The following SLC35F3 variants were observed in gnomAD, a reference collection of about 807,000 sequenced individuals.
SLC35F3 encodes solute carrier family 35 member F3, also known as putative thiamine transporter SLC35F3.
In SLC35F3, 25 loss-of-function variants were observed where a neutral mutation model predicts 49.9. The ratio of observed to expected loss-of-function variants is 0.50; its 90% CI spans 0.37 to 0.70. SLC35F3 has a LOEUF of 0.70. Among genes scored for constraint, SLC35F3 ranks in the 30% least tolerant of loss-of-function variants. The pLI is 0.00. For missense variants in SLC35F3, 525 were observed against 639.8 expected (o/e 0.82, Z 1.94); for synonymous variants, 275 against 265.4 (o/e 1.04, Z -0.35).
chr1:234,130,565 G>T (rs1385602567), intron 2 of SLC35F3, among the ~76,000 whole-genome samples: 1 of 151,610 alleles, frequency 6.6e-6, no homozygotes, highest in Admixed American at 6.6e-5. Flanking sequence ...CGTGAACCCG[G>T]GAGGTGGAGC....
At chr1:234,015,498 G>A (rs931751814) in intron 2 of SLC35F3, among the ~76,000 whole-genome samples, 4 of 152,042 alleles carry the variant, frequency 2.6e-5, no homozygotes, top group Admixed American at 1.3e-4. Context: ...GCTCAGAAAT[G>A]AACCTATGCA....
chr1:234,021,424 G>C (rs1336583866), intron 2 of SLC35F3, among the ~76,000 whole-genome samples: 1 of 152,232 alleles, frequency 6.6e-6, no homozygotes, highest in East Asian at 1.9e-4. Flanking sequence ...TGAGAAAGCT[G>C]GAAAGTTTTC....
chr1:234,276,962 G>A (rs553212962), intron 3 of SLC35F3, among the ~76,000 whole-genome samples: 1 of 152,360 alleles, frequency 6.6e-6, no homozygotes, highest in South Asian at 2.1e-4. Context: ...AGGGGCTGAT[G>A]TGGGCACCCA....
chr1:234,005,881 T>G (rs2102834891), intron 2 of SLC35F3, among the ~76,000 whole-genome samples: 1 of 152,304 alleles, frequency 6.6e-6, no homozygotes. Context: ...GACAGAAGAC[T>G]GGATCACGCA....
At chr1:234,236,925 T>TTTTATATATATATATATATATATA (rs1553317673) in intron 3 of SLC35F3, among the ~76,000 whole-genome samples, 1 of 96,294 alleles carries the variant, frequency 1.0e-5, no homozygotes, top group African/African-American at 4.1e-5. Flanking sequence ...AAAAAAAAAA[T>TTTTATATATATATATATATATATA]TATATATATA....
intron 2 of SLC35F3, among the ~76,000 whole-genome samples, chr1:234,055,540 C>T (rs1664444569): frequency 6.6e-6 from 1 of 152,200 alleles, no homozygotes; most frequent in Non-Finnish European, 1.5e-5. Flanking sequence ...TCCCGATTTT[C>T]CTGGTACCGT....
In SLC35F3 at chr1:234,167,137, C is replaced by T. The variant is rs79331056; in HGVS notation, c.284-64280C>T. 7.6e-3 allele frequency among the ~76,000 whole-genome samples: 1,162 copies of T among 152,352 alleles called. 21 individuals carry two copies. The highest frequency in any genetic ancestry group is 0.025 in the African/African-American group (1,050 of 41,574). On this transcript the variant is annotated intron_variant, in intron 2 of 7. Transcript: ENST00000366618. The stretch of plus-strand genomic sequence containing the variant: ...TATCTACCATTGCCTTCTTTTCATT[C>T]TCCTGTCTTTCCGGCTCAGACCCCT...
chr1:234,096,045 T>TA (rs1362194393), intron 2 of SLC35F3, among the ~76,000 whole-genome samples: 1 of 152,216 alleles, frequency 6.6e-6, no homozygotes, highest in Non-Finnish European at 1.5e-5. Context: ...AGCAAGAAAA[T>TA]AGTTTCTAGC....
intron 2 of SLC35F3, among the ~76,000 whole-genome samples, chr1:233,914,562 C>T (rs1477686326): frequency 6.6e-6 from 1 of 152,158 alleles, no homozygotes; most frequent in Admixed American, 6.5e-5. Context: ...TCCATTCAAG[C>T]TCGTGCATGA....
intron 2 of SLC35F3, among the ~76,000 whole-genome samples, chr1:233,950,206 G>A (rs1250039143): frequency 1.3e-5 from 2 of 151,732 alleles, no homozygotes; most frequent in African/African-American, 4.8e-5. Flanking sequence ...CTAACATGGT[G>A]AAACCCCGTC....
chr1:234,181,425 G>A (rs977705100), intron 2 of SLC35F3, among the ~76,000 whole-genome samples: 1 of 151,906 alleles, frequency 6.6e-6, no homozygotes, highest in Non-Finnish European at 1.5e-5. Context: ...TGTTATCACA[G>A]TATTAGAAAT....
chr1:234,131,315 A>C (rs929473962), intron 2 of SLC35F3, among the ~76,000 whole-genome samples: 1 of 152,154 alleles, frequency 6.6e-6, no homozygotes, highest in Admixed American at 6.5e-5. Context: ...TTGCATATCT[A>C]TGTTTCTGTT....
At chr1:234,073,109 A>G (rs1664741966) in intron 2 of SLC35F3, among the ~76,000 whole-genome samples, 1 of 152,096 alleles carries the variant, frequency 6.6e-6, no homozygotes, top group African/African-American at 2.4e-5. Flanking sequence ...CAAGAACACA[A>G]ATGTCAGATG....
Position 234,320,604 on chromosome 1 carries a change from C to T in SLC35F3, c.1237+417C>T, listed in dbSNP as rs981927724. ...TAGCAGAAAAAAAATGTCACTTTTG[C>T]AGGTAACTTTCTGGGGGAGAAAATT... On this transcript the variant is annotated intron_variant, in intron 7 of 7. Coordinates refer to ENST00000366618, the MANE Select transcript of SLC35F3 (RefSeq NM_173508.4). This position sits in a 1 kb window ranked among gnomAD's most constrained non-coding sequence, Gnocchi z 4.8. Among the ~76,000 whole-genome samples the T allele has an allele frequency of 6.6e-6, 1 of 152,108 alleles. No individual in the cohort carries two copies. The highest frequency in any genetic ancestry group is 2.4e-5 in the African/African-American group (1 of 41,418).
intron 3 of SLC35F3, among the ~76,000 whole-genome samples, chr1:234,263,455 A>G (rs1463089215): frequency 1.3e-5 from 2 of 152,094 alleles, no homozygotes; most frequent in South Asian, 2.1e-4. Flanking sequence ...GCTTGCGTCT[A>G]TATTTATGGG....
intron 2 of SLC35F3, among the ~76,000 whole-genome samples, chr1:234,089,054 G>A (rs1665003326): frequency 6.6e-6 from 1 of 152,192 alleles, no homozygotes; most frequent in Admixed American, 6.5e-5. Context: ...TAGCCATGGT[G>A]CCTGGCTGAG....
At chr1:233,914,452 C>G (rs1477369123) in intron 2 of SLC35F3, among the ~76,000 whole-genome samples, 1 of 152,194 alleles carries the variant, frequency 6.6e-6, no homozygotes, top group African/African-American at 2.4e-5. Flanking sequence ...TGAGACACCA[C>G]TGTTGCAAAG....
intron 2 of SLC35F3, among the ~76,000 whole-genome samples, chr1:233,996,801 A>T (rs940062654): frequency 6.6e-6 from 1 of 151,086 alleles, no homozygotes; most frequent in South Asian, 2.1e-4. Context: ...AGGCAATCTC[A>T]TCCCATTTTA....
At chr1:233,954,153 T>C (rs1470907632) in intron 2 of SLC35F3, among the ~76,000 whole-genome samples, 2 of 152,108 alleles carry the variant, frequency 1.3e-5, no homozygotes, top group Non-Finnish European at 2.9e-5. Flanking sequence ...ACTACAGGCA[T>C]GTGCCACCGC....
Sources: allele counts gnomAD v4.1 joint callset (sites outside exome capture counted in the v4.1 genomes callset), GRCh38; gene constraint gnomAD v4.1.1; non-coding constraint Gnocchi (gnomAD v3.1); transcripts MANE v1.5; gene names NCBI Gene and HGNC (gene_info 2026-07-23, HGNC 2026-07-21).